SIGLEC1: variants seen among roughly 807,000 people sequenced by gnomAD.
SIGLEC1 encodes the protein sialoadhesin.
In SIGLEC1, 132 loss-of-function variants were observed where a neutral mutation model predicts 148.0. The ratio of observed to expected loss-of-function variants is 0.89; its 90% CI spans 0.77 to 1.03. The LOEUF is 1.03. SIGLEC1 is among the 50% of genes least tolerant of loss of function. SIGLEC1 has a pLI of 0.00. For missense variants in SIGLEC1, 2,253 were observed against 2,271.4 expected, an observed-to-expected ratio of 0.99 and a Z score of 0.16; for synonymous variants, 945 against 969.0, an observed-to-expected ratio of 0.98 and a Z score of 0.46.
chr20:3,691,334 A>G lies in SIGLEC1; in HGVS notation c.4591+6T>C. 2 of 1,613,134 alleles carry G rather than the reference A, an allele frequency of 1.2e-6. No homozygotes were observed. The highest frequency in any genetic ancestry group is 8.5e-7 in the Non-Finnish European group (1 of 1,179,754). ...GACTAAGGCGGAGGAGGGGGTTCACACTCACAGAGCACACGGAGCATGACT... is the reference window on the plus strand; with the variant it reads ...GACTAAGGCGGAGGAGGGGGTTCACGCTCACAGAGCACACGGAGCATGACT... On this transcript the variant is annotated splice_donor_region_variant and intron_variant, in intron 18 of 21. Coordinates refer to ENST00000344754, the MANE Select transcript of SIGLEC1 (RefSeq NM_023068.4).
intron 14 of SIGLEC1, 24 bp from the exon 15 acceptor site, chr20:3,693,155 C>T (rs376030533): frequency 4.2e-5 from 63 of 1,517,498 alleles, no homozygotes; most frequent in African/African-American, 5.5e-5. Context: ...GAGGCTTACA[C>T]GGAGTCACAG....
chr20:3,708,987 G>C (rs1284892334), intron 1 of SIGLEC1, among the ~76,000 whole-genome samples: 1 of 145,432 alleles, frequency 6.9e-6, no homozygotes, highest in Non-Finnish European at 1.5e-5. Flanking sequence ...GGAGGTCACG[G>C]TGAGCCAGGA....
In SIGLEC1 at chr20:3,692,214, C is replaced by T. The variant is rs369681256; in HGVS notation, c.4031-12G>A. 1.0e-5 allele frequency: 16 copies of T among 1,531,670 alleles called. 1 individual carries two copies. In the East Asian group the frequency reaches 1.6e-4, roughly 15 times the overall value. 94.9% of individuals were successfully genotyped at this position (1,531,670 alleles called of 1,614,324 possible). On this transcript the variant is annotated splice_polypyrimidine_tract_variant and intron_variant, in intron 16 of 21. Transcript: ENST00000344754. ...GTCCTGAGGGGCATCTGTGGGCAGG[C>T]AGGGCACAGATGGGGACCTTGCTTA... is the stretch of plus-strand genomic sequence containing the variant.
intron 11 of SIGLEC1, among the ~76,000 whole-genome samples, chr20:3,695,393 A>G (rs1257574394): frequency 6.6e-6 from 1 of 152,204 alleles, no homozygotes; most frequent in African/African-American, 2.4e-5. Context: ...GTTAGCAGCT[A>G]TGTTATCTTG....
intron 8 of SIGLEC1, 126 bp downstream of exon 8, chr20:3,699,076 C>A (rs887048794): frequency 9.0e-6 from 10 of 1,116,176 alleles, no homozygotes; most frequent in African/African-American, 3.2e-5. Context: ...CCACTGTGGC[C>A]AGGTCTGTGA....
In SIGLEC1 at chr20:3,696,585, C is replaced by T. The variant is rs1373616134; in HGVS notation, c.2683+1G>A. On this transcript the variant is annotated splice_donor_variant, in intron 11 of 21. Coordinates refer to ENST00000344754, the MANE Select transcript of SIGLEC1 (RefSeq NM_023068.4). LOFTEE classifies it high-confidence loss of function. ...CATATCTTCAGAAGACTGACACTCA[C>T]CTCGGACCTGGAAGAAGAGTGAGGT... 1.2e-6 allele frequency: 2 copies of T among 1,602,774 alleles called. No homozygotes were observed. The highest frequency in any genetic ancestry group is 1.1e-5 in the South Asian group (1 of 89,446).
intron 21 of SIGLEC1, chr20:3,688,861 G>A: frequency 1.7e-6 from 1 of 597,816 alleles, no homozygotes; most frequent in Non-Finnish European, 3.0e-6. Context: ...AGAGGCCTCA[G>A]AACAAAGGTG....
rs753133434 is a variant in SIGLEC1, at chr20:3,694,384, C to T, written c.3093G>A (p.Val1031=). The T allele has an allele frequency of 6.2e-6, 10 of 1,613,290 alleles. No homozygotes were observed. The highest frequency in any genetic ancestry group is 3.3e-4 in the Middle Eastern group (2 of 6,062). The part of the protein sequence containing the change: ...DRLVASTLQG[V]GGPEGSSPRL... ...TGGGAGAGCTGCCTTCGGGTCCCCC[C>T]ACACCTTGTAGGGTGGAGGCCACAA... is the stretch of plus-strand genomic sequence containing the variant. Residue 1031 remains valine (V), a synonymous_variant, in exon 13 of 22, where the codon GTG becomes GTA. Coordinates refer to ENST00000344754, the MANE Select transcript of SIGLEC1 (RefSeq NM_023068.4).
At chr20:3,711,474 G>C (rs779194164) in intron 1 of SIGLEC1, among the ~76,000 whole-genome samples, 2 of 152,180 alleles carry the variant, frequency 1.3e-5, no homozygotes, top group Non-Finnish European at 2.9e-5. Flanking sequence ...CCTATGGACA[G>C]CTAGGCCCGG....
chr20:3,690,223 C>A lies in SIGLEC1; in HGVS notation c.4633G>T (p.Glu1545Ter). The change falls in exon 19 of 22, where the codon GAG becomes TAG. Residue 1545 changes from glutamate (E) to a stop codon, truncating the protein, a stop_gained. Transcript: ENST00000344754. LOFTEE classifies it high-confidence loss of function. Reference protein sequence around the residue: ...TPTMMVFVEPEGGLRGILDCR... With the variant: ...TPTMMVFVEP ...TCCAGGATGCCCCGGAGGCCACCCT[C>A]AGGCTCCACGAAGACCATCATGGTG... 6.4e-7 allele frequency: 1 copy of A among 1,553,586 alleles called. No homozygotes were observed. The highest frequency in any genetic ancestry group is 8.7e-7 in the Non-Finnish European group (1 of 1,148,940).
In SIGLEC1 at chr20:3,712,595, C is replaced by A. The variant is rs1483345898; in HGVS notation, c.-235G>T. Reference sequence around the variant, plus strand: ...CTGCCGGCTCAAGAGAGAAGGATCCCGTATCAGGGGCTGCTTCCTCTTTCC... The same window carrying A: ...CTGCCGGCTCAAGAGAGAAGGATCCAGTATCAGGGGCTGCTTCCTCTTTCC... On this transcript the variant is annotated 5_prime_UTR_variant, in exon 1 of 22. Transcript: ENST00000344754. 3.3e-5 allele frequency among the ~76,000 whole-genome samples: 5 copies of A among 152,164 alleles called. No individual in the cohort carries two copies. Among genetic ancestry groups the A allele is most frequent in the Admixed American group, 3.3e-4 (5 of 15,280 alleles).
chr20:3,698,158 C>G, intron 8 of SIGLEC1, 25 bp from the exon 9 acceptor site: 1 of 1,543,554 alleles, frequency 6.5e-7, no homozygotes, highest in Non-Finnish European at 8.7e-7. Flanking sequence ...AACATGGGCA[C>G]TCATCCCACG....
chr20:3,700,697 C>CTTT (rs71195856), intron 7 of SIGLEC1, among the ~76,000 whole-genome samples: 2 of 119,884 alleles, frequency 1.7e-5, no homozygotes, highest in African/African-American at 6.4e-5. Context: ...TTTTCTTTTT[C>CTTT]TTTTTTTTTT....
At position 3,691,604 on chromosome 20, in the gene SIGLEC1, C is replaced by T. The variant is rs942315867; in HGVS notation, c.4331-4G>A. 16 of 1,610,578 alleles carry T rather than the reference C, an allele frequency of 9.9e-6. No individual in the cohort carries two copies. Among genetic ancestry groups the T allele is most frequent in the Non-Finnish European group, 1.1e-5 (13 of 1,178,894 alleles). On this transcript the variant is annotated splice_polypyrimidine_tract_variant and splice_region_variant and intron_variant, in intron 17 of 21. Transcript: ENST00000344754. ...GGCTCTGCCACCACGCGTGCACCTG[C>T]GGGCGGAGGATAGAGAGATGATTGG...
Position 3,691,934 on chromosome 20 carries a change from T to G in SIGLEC1, c.4299A>C (p.Ser1433=). ...CCTGCAACCGCCCGATGGTGCTGAT[T>G]GAGCCCAGCAAGTTTTGGGCTGTGC... ...YVCTAQNLLG[S]ISTIGRLQVE... is the part of the protein sequence containing the mutation. Residue 1433 remains serine (S), a synonymous_variant, in exon 17 of 22, where the codon TCA becomes TCC. Coordinates refer to ENST00000344754, the MANE Select transcript of SIGLEC1 (RefSeq NM_023068.4). 2 of 1,592,714 alleles carry G rather than the reference T, an allele frequency of 1.3e-6. No homozygotes were observed. The highest frequency in any genetic ancestry group is 2.3e-5 in the East Asian group (1 of 44,332).
Position 3,698,051 on chromosome 20 carries a change from C to T in SIGLEC1, c.1869G>A (p.Leu623=), listed in dbSNP as rs1165259900. ...CGGGGGGGTCGCTGTCCACACGGCA[C>T]AAAAGGAGGCCTCGCCGTCCAGCCC... The part of the protein sequence containing the change: ...GAGAGRRGLL[L]CRVDSDPPAR... Residue 623 remains leucine (L), a synonymous_variant, in exon 9 of 22, where the codon TTG becomes TTA. Coordinates refer to ENST00000344754, the MANE Select transcript of SIGLEC1 (RefSeq NM_023068.4). The T allele has an allele frequency of 6.2e-7, 1 of 1,607,408 alleles. No individual in the cohort carries two copies.
intron 11 of SIGLEC1, 149 bp downstream of exon 11, chr20:3,696,436 AG>A: frequency 1.9e-6 from 1 of 513,140 alleles, no homozygotes; most frequent in East Asian, 3.4e-5. Context: ...CTGGAGGCAA[AG>A]GGAGGCCTTC....
chr20:3,696,937 A>G, intron 10 of SIGLEC1, 49 bp from the exon 11 acceptor site: 1 of 1,536,140 alleles, frequency 6.5e-7, no homozygotes, highest in Non-Finnish European at 8.7e-7. Flanking sequence ...TCACCACATT[A>G]CAACTGCCAC....
intron 4 of SIGLEC1, among the ~76,000 whole-genome samples, chr20:3,704,324 G>A (rs557093782): frequency 3.9e-5 from 6 of 152,138 alleles, no homozygotes; most frequent in Admixed American, 3.9e-4. Context: ...GTGACGCTTG[G>A]CCAGCGTCCA....
Sources: gnomAD v4.1 joint callset for allele counts (sites outside exome capture counted in the v4.1 genomes callset) on GRCh38, gnomAD v4.1.1 for gene constraint, MANE v1.5 for transcripts, NCBI Gene and HGNC (gene_info 2026-07-23, HGNC 2026-07-21) for gene names.